Variants in PAPSS2 observed in about 807,000 individuals in gnomAD.
PAPSS2 encodes bifunctional 3'-phosphoadenosine 5'-phosphosulfate synthase 2.
Under a neutral mutation model 66.5 loss-of-function variants are expected in PAPSS2, and 61 were observed. The observed-to-expected ratio is 0.92, with a 90% CI of 0.75 to 1.14. The LOEUF (loss-of-function observed/expected upper bound fraction) is 1.14, where lower values mean the gene tolerates loss of function less well. Among genes scored for constraint, PAPSS2 ranks in the 50% most tolerant of loss-of-function variants. The probability of loss-of-function intolerance (pLI) is 0.00; values close to 1 mark genes in which losing one functional copy is unlikely to be tolerated. For missense variants in PAPSS2, 708 were observed against 789.6 expected, an observed-to-expected ratio of 0.90 and a Z score of 1.24; for synonymous variants, 289 against 287.5, an observed-to-expected ratio of 1.01 and a Z score of -0.05.
At chr10:87,703,851 G>C (rs948963787) in intron 1 of PAPSS2, 2 of 516,880 alleles carry the variant, frequency 3.9e-6, no homozygotes, top group Middle Eastern at 3.2e-4. Flanking sequence ...CCTGATAAGG[G>C]GCAGAGTTAG....
intron 1 of PAPSS2, among the ~76,000 whole-genome samples, chr10:87,664,735 A>G (rs776270566): frequency 6.6e-6 from 1 of 152,238 alleles, no homozygotes; most frequent in East Asian, 1.9e-4. Flanking sequence ...TTCAAAATCT[A>G]TCACTAAATA....
intron 4 of PAPSS2, among the ~76,000 whole-genome samples, chr10:87,714,508 T>C (rs1349821548): frequency 6.6e-6 from 1 of 152,198 alleles, no homozygotes. Context: ...TAATCATCTA[T>C]AGAGGGCTTC....
intron 1 of PAPSS2, among the ~76,000 whole-genome samples, chr10:87,705,244 T>G (rs1853368704): frequency 2.0e-5 from 3 of 152,242 alleles, no homozygotes; most frequent in African/African-American, 7.2e-5. Flanking sequence ...ATCATCCATA[T>G]TCCGTGTATT....
chr10:87,735,165 G>C (rs193050637), intron 9 of PAPSS2, among the ~76,000 whole-genome samples: 1 of 152,090 alleles, frequency 6.6e-6, no homozygotes, highest in Admixed American at 6.5e-5. Context: ...AGCTTGGAAG[G>C]GGGTGGGGAC....
intron 1 of PAPSS2, among the ~76,000 whole-genome samples, chr10:87,661,608 CCTCTTG>C (rs760082634): frequency 8.5e-5 from 13 of 152,102 alleles, no homozygotes; most frequent in Non-Finnish European, 1.9e-4. Context: ...GGTGGTCTCT[CCTCTTG>C]ATGCCTCCAG....
chr10:87,683,587 G>T (rs1224781863), intron 1 of PAPSS2, among the ~76,000 whole-genome samples: 1 of 152,178 alleles, frequency 6.6e-6, no homozygotes, highest in African/African-American at 2.4e-5. Flanking sequence ...AATTGTTGTG[G>T]AAATCATTTG....
intron 1 of PAPSS2, among the ~76,000 whole-genome samples, chr10:87,679,949 C>G (rs1251051942): frequency 6.6e-6 from 1 of 151,346 alleles, no homozygotes; most frequent in Non-Finnish European, 1.5e-5. Flanking sequence ...TCGCTTGAGA[C>G]TCGAAGGTCA....
intron 1 of PAPSS2, among the ~76,000 whole-genome samples, chr10:87,693,818 C>G (rs1046385187): frequency 2.0e-5 from 3 of 152,174 alleles, no homozygotes; most frequent in African/African-American, 7.2e-5. Context: ...AATGGTAGTT[C>G]GTTCTTTTAA....
At chr10:87,660,923 T>C in intron 1 of PAPSS2, 1 of 453,492 alleles carries the variant, frequency 2.2e-6, no homozygotes, top group South Asian at 1.6e-5. Context: ...CAAGCCTTGA[T>C]AAAATCCTAC....
chr10:87,698,849 C>T lies in PAPSS2; in HGVS notation c.28-10347C>T, dbSNP rs193071014. Among the ~76,000 whole-genome samples the T allele has an allele frequency of 1.2e-4, 18 of 152,264 alleles. No homozygotes were observed. The East Asian group carries it at 3.1e-3, about 26-fold the overall frequency. On this transcript the variant is annotated intron_variant, in intron 1 of 12. Transcript: ENST00000456849. ...CAGCTTGGGCAACATAGCAAGACCT[C>T]GTTTCTAAAAAATAATCAAAAACAA...
chr10:87,704,055 A>T, intron 1 of PAPSS2: 1 of 494,540 alleles, frequency 2.0e-6, no homozygotes, highest in Non-Finnish European at 4.1e-6. Context: ...GTTTTTGGCC[A>T]CTCTGCCCCC....
intron 2 of PAPSS2, among the ~76,000 whole-genome samples, chr10:87,711,744 C>T (rs1443335428): frequency 6.6e-6 from 1 of 151,986 alleles, no homozygotes; most frequent in Non-Finnish European, 1.5e-5. Context: ...GATCACCTTC[C>T]CCCCCACCCA....
At chr10:87,745,266 C>A in intron 12 of PAPSS2, 35 bp downstream of exon 12, 1 of 1,512,368 alleles carries the variant, frequency 6.6e-7, no homozygotes, top group South Asian at 1.2e-5. Context: ...TTATCAACAT[C>A]TGTATAAAAG....
intron 1 of PAPSS2, chr10:87,660,257 C>A: frequency 6.7e-6 from 4 of 598,894 alleles, no homozygotes; most frequent in Non-Finnish European, 1.2e-5. Flanking sequence ...GCCGCGCCCG[C>A]GAGAGACCTC....
chr10:87,746,947 G>A lies in PAPSS2; in HGVS notation c.*977G>A, dbSNP rs1287370695. 6.6e-6 allele frequency: 1 copy of A among 152,168 alleles called. No homozygotes were observed. Among genetic ancestry groups the A allele is most frequent in the East Asian group, 1.9e-4 (1 of 5,190 alleles). The allele number at this position is 152,168 out of a possible 1,614,324, so 9.4% of individuals were successfully genotyped here. Reference sequence around the variant, plus strand: ...CACATGTATGTGTTTTGTAAGCTGTGAGCACCGTAACAAAATGTAAATTTG... The same window carrying A: ...CACATGTATGTGTTTTGTAAGCTGTAAGCACCGTAACAAAATGTAAATTTG... On this transcript the variant is annotated 3_prime_UTR_variant, in exon 13 of 13. Coordinates refer to ENST00000456849, the MANE Select transcript of PAPSS2 (RefSeq NM_001015880.2).
chr10:87,704,857 A>G (rs1265039151), intron 1 of PAPSS2, among the ~76,000 whole-genome samples: 3 of 151,998 alleles, frequency 2.0e-5, no homozygotes, highest in African/African-American at 4.8e-5. Flanking sequence ...AGCTAGGCTG[A>G]TCTCAAACTC....
chr10:87,681,591 A>G (rs1853022199), intron 1 of PAPSS2, among the ~76,000 whole-genome samples: 1 of 152,224 alleles, frequency 6.6e-6, no homozygotes, highest in Non-Finnish European at 1.5e-5. Context: ...TTAACTGTAC[A>G]GTTTAAAGAT....
In PAPSS2 at chr10:87,741,241, A is replaced by G. The variant is rs757962903; in HGVS notation, c.1093A>G (p.Met365Val). 3 of 1,613,816 alleles carry G rather than the reference A, an allele frequency of 1.9e-6. No individual in the cohort carries two copies. In the Admixed American group the frequency reaches 5.0e-5, roughly 27 times the overall value. The change falls in exon 10 of 13, where the codon ATG becomes GTG. Residue 365 changes from methionine (M) to valine (V), a missense_variant. Transcript: ENST00000456849. ...ATAACAATGTTCTTTCTAGATGGTG[A>G]TGGAAAGTGGGGACTGGCTGGTTGG... is the stretch of plus-strand genomic sequence containing the variant. Reference protein sequence around the residue: ...CTKHPHIKMVMESGDWLVGGD... With the variant: ...CTKHPHIKMVVESGDWLVGGD...
intron 1 of PAPSS2, among the ~76,000 whole-genome samples, chr10:87,667,563 G>A (rs891949238): frequency 3.3e-5 from 5 of 152,208 alleles, no homozygotes; most frequent in African/African-American, 9.7e-5. Flanking sequence ...TGCCTCTGAT[G>A]ACACGTGGTG....
Sources: gnomAD v4.1 joint callset for allele counts (sites outside exome capture counted in the v4.1 genomes callset) on GRCh38, gnomAD v4.1.1 for gene constraint, MANE v1.5 for transcripts, NCBI Gene and HGNC (gene_info 2026-07-23, HGNC 2026-07-21) for gene names.